STON2: variants seen among roughly 807,000 people sequenced by gnomAD.
The protein encoded by STON2 is stonin-2.
In STON2, 29 loss-of-function variants were observed where a neutral mutation model predicts 65.7. The ratio of observed to expected loss-of-function variants is 0.44; its 90% confidence interval spans 0.33 to 0.60. STON2 has a LOEUF of 0.60. Among genes scored for constraint, STON2 ranks in the 20% least tolerant of loss-of-function variants. The pLI is 0.03. For synonymous variants in STON2, 404 were observed against 414.2 expected (o/e 0.98, Z 0.30); for missense variants, 1,054 against 1,118.1 (o/e 0.94, Z 0.82).
At chr14:81,400,042 G>A (rs1040795927) in intron 1 of STON2, among the ~76,000 whole-genome samples, 2 of 152,106 alleles carry the variant, frequency 1.3e-5, no homozygotes, top group African/African-American at 4.8e-5. Context: ...ACAGAATACA[G>A]TACATATAGA....
chr14:81,297,968 C>T (rs999267405), intron 5 of STON2, among the ~76,000 whole-genome samples: 2 of 152,146 alleles, frequency 1.3e-5, no homozygotes, highest in African/African-American at 4.8e-5. Flanking sequence ...ACCTGGGAGG[C>T]AGAGGTTGTG....
At chr14:81,411,886 T>C (rs1177345219) in intron 2 of STON2, among the ~76,000 whole-genome samples, 1 of 98,138 alleles carries the variant, frequency 1.0e-5, no homozygotes, top group Non-Finnish European at 1.8e-5. Flanking sequence ...AGGAATCTTA[T>C]ACATAGAGTG....
intron 3 of STON2, among the ~76,000 whole-genome samples, chr14:81,394,066 T>C (rs1403315476): frequency 1.3e-5 from 2 of 152,030 alleles, no homozygotes; most frequent in Non-Finnish European, 2.9e-5. Context: ...TGATGGGTGC[T>C]TGTAATCCCA....
chr14:81,306,110 AT>A (rs1168165697), intron 5 of STON2, among the ~76,000 whole-genome samples: 20 of 137,402 alleles, frequency 1.5e-4, no homozygotes, highest in African/African-American at 5.5e-4. Flanking sequence ...CTCCTTTTTA[AT>A]TTTTTTTAAT....
At chr14:81,279,237 GACAA>G (rs1895008140) in intron 5 of STON2, among the ~76,000 whole-genome samples, 2 of 152,164 alleles carry the variant, frequency 1.3e-5, no homozygotes, top group African/African-American at 2.4e-5. Context: ...AAATATTAAA[GACAA>G]ACAGTTAACC....
intron 2 of STON2, among the ~76,000 whole-genome samples, chr14:81,426,783 A>T (rs1901995957): frequency 6.6e-6 from 1 of 152,180 alleles, no homozygotes; most frequent in African/African-American, 2.4e-5. Flanking sequence ...ATGATTCTTT[A>T]AAATGGCTAG....
intron 5 of STON2, among the ~76,000 whole-genome samples, chr14:81,317,290 C>T (rs1448066913): frequency 6.6e-6 from 1 of 152,158 alleles, no homozygotes; most frequent in Non-Finnish European, 1.5e-5. Flanking sequence ...GAGGGATCTG[C>T]CCCCAGGACC....
At chr14:81,374,901 G>T (rs1899179847) in intron 3 of STON2, among the ~76,000 whole-genome samples, 2 of 152,034 alleles carry the variant, frequency 1.3e-5, no homozygotes, top group African/African-American at 4.8e-5. Context: ...CTCAAGCAGG[G>T]TAACTAAAAA....
chr14:81,314,775 CT>C (rs1237827995), intron 5 of STON2, among the ~76,000 whole-genome samples: 1 of 152,246 alleles, frequency 6.6e-6, no homozygotes, highest in African/African-American at 2.4e-5. Flanking sequence ...ATTTAAGCAA[CT>C]TTCCTCTGTA....
intron 5 of STON2, among the ~76,000 whole-genome samples, chr14:81,283,498 C>T (rs551821102): frequency 2.7e-5 from 4 of 150,102 alleles, no homozygotes; most frequent in Non-Finnish European, 5.9e-5. Flanking sequence ...AGGCATACCT[C>T]GTCTTTTTGT....
At chr14:81,279,395 G>C (rs1895014141) in intron 5 of STON2, among the ~76,000 whole-genome samples, 1 of 152,060 alleles carries the variant, frequency 6.6e-6, no homozygotes, top group Non-Finnish European at 1.5e-5. Context: ...AATCTCACTA[G>C]TAATAAGAAA....
At chr14:81,435,908 C>T (rs1902399652) in intron 1 of STON2, among the ~76,000 whole-genome samples, 1 of 152,194 alleles carries the variant, frequency 6.6e-6, no homozygotes, top group South Asian at 2.1e-4. Flanking sequence ...GCGGCGCCAA[C>T]CCGGGGTTTC....
At chr14:81,379,173 T>C (rs1005833860) in intron 3 of STON2, among the ~76,000 whole-genome samples, 1 of 152,230 alleles carries the variant, frequency 6.6e-6, no homozygotes, top group Non-Finnish European at 1.5e-5. Flanking sequence ...TAGCAAGGTA[T>C]GCTTGTTAAT....
chr14:81,345,024 C>A (rs868532833), intron 4 of STON2, among the ~76,000 whole-genome samples: 1 of 152,302 alleles, frequency 6.6e-6, no homozygotes, highest in Middle Eastern at 3.4e-3. Flanking sequence ...ACTCTTTCCT[C>A]CTTATTACAT....
chr14:81,303,903 C>A lies in STON2; in HGVS notation c.742+20114G>T, dbSNP rs143987405. ...AGCTCCATATATTTTCACAGTTGAGCACATGCATGTAACCAGCACCCAGAT... is the reference window on the plus strand; with the variant it reads ...AGCTCCATATATTTTCACAGTTGAGAACATGCATGTAACCAGCACCCAGAT... On this transcript the variant is annotated intron_variant, in intron 5 of 7. Transcript: ENST00000614646. Among the ~76,000 whole-genome samples, 481 of 152,266 alleles carry A rather than the reference C, an allele frequency of 3.2e-3. 2 individuals carry two copies. The highest frequency in any genetic ancestry group is 5.1e-3 in the Non-Finnish European group (350 of 68,016).
intron 2 of STON2, among the ~76,000 whole-genome samples, chr14:81,397,197 T>C (rs1214306845): frequency 1.3e-5 from 2 of 152,182 alleles, no homozygotes; most frequent in Non-Finnish European, 2.9e-5. Flanking sequence ...AAATAATTAA[T>C]ATAAAATCTT....
chr14:81,387,488 T>C (rs1003623921), intron 3 of STON2, among the ~76,000 whole-genome samples: 15 of 152,204 alleles, frequency 9.9e-5, no homozygotes, highest in South Asian at 6.2e-4. Context: ...ATGTTGAACA[T>C]AATTTTCATA....
intron 4 of STON2, among the ~76,000 whole-genome samples, chr14:81,329,416 C>T (rs1336080420): frequency 2.0e-5 from 3 of 148,936 alleles, no homozygotes; most frequent in Non-Finnish European, 4.4e-5. Flanking sequence ...GATCGTGCCA[C>T]TGCATTCCAG....
Position 81,262,849 on chromosome 14 carries a change from T to C in STON2, c.*5565A>G. 1 of 985,260 alleles carries C rather than the reference T, an allele frequency of 1.0e-6. No individual in the cohort carries two copies. The highest frequency in any genetic ancestry group is 1.2e-6 in the Non-Finnish European group (1 of 829,746). 61.0% of individuals were successfully genotyped at this position (985,260 alleles called of 1,614,324 possible). A position where few individuals can be genotyped will look rare whatever the true frequency, so the allele number is the denominator to read the frequency against. On this transcript the variant is annotated 3_prime_UTR_variant, in exon 8 of 8. Transcript: ENST00000614646. ...ATACATTTGTTTTCTACATTTGTGG[T>C]TGCCTTATACATCTCCTTCACGTTT...
Sources: gnomAD v4.1 joint callset for allele counts (sites outside exome capture counted in the v4.1 genomes callset) on GRCh38, gnomAD v4.1.1 for gene constraint, MANE v1.5 for transcripts, NCBI Gene and HGNC (gene_info 2026-07-23, HGNC 2026-07-21) for gene names.